VLDLR: variants seen among roughly 807,000 people sequenced by gnomAD.
VLDLR encodes the protein very low density lipoprotein receptor.
In VLDLR, 81 loss-of-function variants were observed where a neutral mutation model predicts 112.7. The observed-to-expected ratio is 0.72, with a 90% CI of 0.60 to 0.86. VLDLR has a LOEUF of 0.86. VLDLR is among the 40% of genes least tolerant of loss of function. The pLI, the probability that VLDLR is intolerant of heterozygous loss-of-function variation, is 0.00. For missense variants in VLDLR, 1,237 were observed against 1,099.4 expected, an observed-to-expected ratio of 1.13 and a Z score of -1.77; for synonymous variants, 436 against 384.8, an observed-to-expected ratio of 1.13 and a Z score of -1.56.
chr9:2,644,900 T>C (rs939778847), intron 8 of VLDLR, 47 bp downstream of exon 8: 2 of 1,613,882 alleles, frequency 1.2e-6, no homozygotes, highest in African/African-American at 2.7e-5. Flanking sequence ...TGGGAAAGGA[T>C]AGTATGTACC....
intron 9 of VLDLR, 125 bp from the exon 10 acceptor site, chr9:2,645,449 C>A (rs770962911): frequency 1.1e-5 from 13 of 1,222,580 alleles, no homozygotes; most frequent in African/African-American, 1.5e-5. Context: ...AACTCCAGAA[C>A]AGATACTACT....
chr9:2,622,278 G>A lies in VLDLR; in HGVS notation c.82+7G>A, dbSNP rs2219143. ...AGCGGCGCCACCGGAACCGGTGAGT[G>A]AGGACGCGCCCCTCCGCCGGCGGGC... On this transcript the variant is annotated splice_region_variant and intron_variant, in intron 1 of 18. Transcript: ENST00000382100. 547,773 of 1,478,472 alleles carry A rather than the reference G, an allele frequency of 0.37. 105,755 individuals carry two copies. Among genetic ancestry groups the A allele is most frequent in the Admixed American group, 0.42 (18,490 of 44,314 alleles). 91.6% of individuals were successfully genotyped at this position (1,478,472 alleles called of 1,614,324 possible).
At chr9:2,645,472 A>C (rs1379068569) in intron 9 of VLDLR, 102 bp from the exon 10 acceptor site, 9 of 1,421,280 alleles carry the variant, frequency 6.3e-6, no homozygotes, top group Non-Finnish European at 8.9e-6. Context: ...GGTATTCCAC[A>C]ATACCTTTAT....
intron 1 of VLDLR, 73 bp downstream of exon 1, chr9:2,622,344 C>A: frequency 2.3e-6 from 3 of 1,316,216 alleles, no homozygotes; most frequent in Non-Finnish European, 2.9e-6. Context: ...AGGCGTAGGT[C>A]TCCGTTTGCC....
intron 7 of VLDLR, among the ~76,000 whole-genome samples, 175 bp from the exon 8 acceptor site, chr9:2,644,559 G>A (rs1349171676): frequency 6.6e-6 from 1 of 151,922 alleles, no homozygotes; most frequent in Non-Finnish European, 1.5e-5. Flanking sequence ...AACTTGCCGA[G>A]GAGTTAGATA....
At chr9:2,641,994 G>T (rs1338090292) in intron 4 of VLDLR, among the ~76,000 whole-genome samples, 1 of 150,434 alleles carries the variant, frequency 6.6e-6, no homozygotes, top group East Asian at 1.9e-4. Context: ...AGACACAGAA[G>T]CATGAATTAA....
Position 2,639,276 on chromosome 9 carries a change from AAG to A in VLDLR, c.203-572_203-571del, listed in dbSNP as rs1227610359. On this transcript the variant is annotated intron_variant, in intron 2 of 18. Coordinates refer to ENST00000382100, the MANE Select transcript of VLDLR (RefSeq NM_003383.5). ...CTGTGTCCTTACATAGTAGATAACA[AAG>A]AGAGAGAGAGTAAGCGCTCTGGTTT... 3.3e-5 allele frequency among the ~76,000 whole-genome samples: 5 copies of A among 152,144 alleles called. No homozygotes were observed. The South Asian group carries it at 8.3e-4, about 25-fold the overall frequency.
intron 2 of VLDLR, 26 bp from the exon 3 acceptor site, chr9:2,639,833 T>C: frequency 6.2e-7 from 1 of 1,614,100 alleles, no homozygotes; most frequent in South Asian, 1.1e-5. Context: ...GACTTCAACT[T>C]TAACCCTTCA....
At chr9:2,633,082 G>A (rs1817440440) in intron 1 of VLDLR, among the ~76,000 whole-genome samples, 2 of 151,680 alleles carry the variant, frequency 1.3e-5, no homozygotes. Context: ...GTGTGTGTGT[G>A]TGTGTGGTTG....
intron 1 of VLDLR, among the ~76,000 whole-genome samples, chr9:2,634,967 T>G (rs1817536689): frequency 6.6e-6 from 1 of 152,228 alleles, no homozygotes; most frequent in African/African-American, 2.4e-5. Flanking sequence ...ACACGTAGTT[T>G]CAACAAATGA....
chr9:2,653,776 A>G, intron 18 of VLDLR, 57 bp from the exon 19 acceptor site: 11 of 1,596,010 alleles, frequency 6.9e-6, no homozygotes, highest in East Asian at 2.2e-5. Flanking sequence ...TTTAAAGACT[A>G]GAGTTGCCAT....
At chr9:2,632,360 C>T (rs1023469287) in intron 1 of VLDLR, among the ~76,000 whole-genome samples, 3 of 152,154 alleles carry the variant, frequency 2.0e-5, no homozygotes, top group Admixed American at 1.3e-4. Flanking sequence ...TTGCATTTTG[C>T]CCCATCTTCT....
At chr9:2,649,902 G>C (rs1429723820) in intron 14 of VLDLR, among the ~76,000 whole-genome samples, 1 of 150,462 alleles carries the variant, frequency 6.6e-6, no homozygotes, top group Non-Finnish European at 1.5e-5. Context: ...AACACATCGG[G>C]TTATATTATC....
At chr9:2,643,016 C>T (rs1817891708) in intron 4 of VLDLR, 144 bp from the exon 5 acceptor site, 1 of 1,240,922 alleles carries the variant, frequency 8.1e-7, no homozygotes, top group Admixed American at 1.9e-5. Context: ...TACAAAAGTT[C>T]TTGATTTAAC....
In VLDLR at chr9:2,651,445, C is replaced by T. The variant is rs1563767180; in HGVS notation, c.2282C>T (p.Thr761Ile). ...GCAACTACTGTGACTTACAGTGAGA[C>T]AAAAGATACGAACACAACAGAAATT... The part of the protein sequence containing the change: ...STATTVTYSE[T>I]KDTNTTEISA... Residue 761 changes from threonine to isoleucine, a missense_variant, in exon 16 of 19, where the codon ACA becomes ATA. By Grantham distance (89) the Thr-to-Ile change is moderately conservative. Coordinates refer to ENST00000382100, the MANE Select transcript of VLDLR (RefSeq NM_003383.5). The T allele has an allele frequency of 1.2e-6, 2 of 1,613,972 alleles. No individual in the cohort carries two copies. Among genetic ancestry groups the T allele is most frequent in the Admixed American group, 1.7e-5 (1 of 60,006 alleles).
At chr9:2,645,436 A>G in intron 9 of VLDLR, 138 bp from the exon 10 acceptor site, 3 of 1,095,852 alleles carry the variant, frequency 2.7e-6, no homozygotes, top group Non-Finnish European at 4.1e-6. Flanking sequence ...TCCCAGGGGC[A>G]GGAACTCCAG....
At chr9:2,649,875 G>T (rs1206392587) in intron 14 of VLDLR, among the ~76,000 whole-genome samples, 1 of 152,114 alleles carries the variant, frequency 6.6e-6, no homozygotes, top group Non-Finnish European at 1.5e-5. Context: ...CCTGATATAG[G>T]ATTGTGTAGA....
chr9:2,646,265 C>G, intron 10 of VLDLR, 69 bp from the exon 11 acceptor site: 1 of 1,512,070 alleles, frequency 6.6e-7, no homozygotes, highest in South Asian at 1.1e-5. Flanking sequence ...ATTTTGTAAG[C>G]AAAAAGTCCA....
intron 14 of VLDLR, among the ~76,000 whole-genome samples, chr9:2,649,327 TC>T (rs1274627595): frequency 1.3e-5 from 2 of 152,112 alleles, no homozygotes; most frequent in South Asian, 2.1e-4. Flanking sequence ...ATGGTGCTCT[TC>T]CCCCTTTGTC....
Sources: gnomAD v4.1 joint callset for allele counts (sites outside exome capture counted in the v4.1 genomes callset) on GRCh38, gnomAD v4.1.1 for gene constraint, MANE v1.5 for transcripts, NCBI Gene and HGNC (gene_info 2026-07-23, HGNC 2026-07-21) for gene names.